ACYP2: variants seen among roughly 807,000 people sequenced by gnomAD.
ACYP2 encodes the protein acylphosphatase 2.
ACYP2 carries 12 observed loss-of-function variants against 11.2 expected under a neutral mutation model. That is an observed-to-expected ratio of 1.08 (90% CI 0.69 to 1.74). The LOEUF (loss-of-function observed/expected upper bound fraction) is 1.74. Among genes scored for constraint, ACYP2 ranks in the 40% most tolerant of loss-of-function variants. The probability of loss-of-function intolerance (pLI) is 0.00; values close to 1 mark genes in which losing one functional copy is unlikely to be tolerated. For synonymous variants in ACYP2, 43 were observed against 32.2 expected (o/e 1.33, Z -1.13); for missense variants, 134 against 101.9 (o/e 1.31, Z -1.35).
intron 2 of ACYP2, among the ~76,000 whole-genome samples, chr2:54,046,166 T>TGA (rs1675510002): frequency 2.4e-5 from 1 of 41,760 alleles, no homozygotes; most frequent in Non-Finnish European, 4.2e-5. Flanking sequence ...CCAGACCCTG[T>TGA]CAAAAAAAAA....
chr2:54,150,477 G>A (rs562093072), intron 6 of ACYP2, among the ~76,000 whole-genome samples: 100 of 152,282 alleles, frequency 6.6e-4, no homozygotes, highest in Non-Finnish European at 1.0e-3. Context: ...CTGGAGTGCA[G>A]TGCCCTGATA....
At chr2:54,099,139 T>A (rs1200218561) in intron 4 of ACYP2, among the ~76,000 whole-genome samples, 1 of 152,244 alleles carries the variant, frequency 6.6e-6, no homozygotes, top group Admixed American at 6.5e-5. Context: ...TCTTTTTAAC[T>A]GTTTCTTGTT....
At position 54,069,429 on chromosome 2, in the gene ACYP2, G is replaced by A. The variant is rs576378282; in HGVS notation, c.277+12069G>A. 3.9e-5 allele frequency among the ~76,000 whole-genome samples: 6 copies of A among 151,996 alleles called. No individual in the cohort carries two copies. In the East Asian group the frequency reaches 9.8e-4, roughly 25 times the overall value. ...TGTAATCCCAGCACTTTGGGAGGCCGAGGCGGGTGGATCACGAGGTTAGGA... is the reference window on the plus strand; with the variant it reads ...TGTAATCCCAGCACTTTGGGAGGCCAAGGCGGGTGGATCACGAGGTTAGGA... On this transcript the variant is annotated intron_variant, in intron 4 of 6. Coordinates refer to ENST00000607452, the MANE Select transcript of ACYP2 (RefSeq NM_001320586.2).
chr2:54,023,018 A>T (rs1245737741), intron 2 of ACYP2, among the ~76,000 whole-genome samples: 2 of 152,204 alleles, frequency 1.3e-5, no homozygotes, highest in Admixed American at 6.5e-5. Context: ...TAAGACTTAC[A>T]TTAAATAAGT....
At chr2:54,125,750 CA>C (rs1260013308) in intron 4 of ACYP2, among the ~76,000 whole-genome samples, 1 of 119,940 alleles carries the variant, frequency 8.3e-6, no homozygotes, top group East Asian at 2.0e-4. Context: ...GACTATGTCT[CA>C]AAAAACAAAA....
intron 6 of ACYP2, among the ~76,000 whole-genome samples, chr2:54,181,956 T>C (rs912510264): frequency 2.0e-5 from 3 of 151,492 alleles, no homozygotes; most frequent in East Asian, 1.9e-4. Flanking sequence ...GACCCTCTCT[T>C]ACAAAACCCT....
At chr2:54,272,169 T>C (rs1688334457) in intron 6 of ACYP2, among the ~76,000 whole-genome samples, 1 of 152,038 alleles carries the variant, frequency 6.6e-6, no homozygotes, top group South Asian at 2.1e-4. Flanking sequence ...TAAATATCAG[T>C]GTTGAGGAAA....
chr2:54,224,348 G>A (rs528308493), intron 6 of ACYP2, among the ~76,000 whole-genome samples: 1 of 152,296 alleles, frequency 6.6e-6, no homozygotes, highest in South Asian at 2.1e-4. Flanking sequence ...ATTTTATAGA[G>A]CTATGAAACA....
chr2:54,160,975 G>T (rs916284574), intron 6 of ACYP2, among the ~76,000 whole-genome samples: 1 of 152,186 alleles, frequency 6.6e-6, no homozygotes, highest in Non-Finnish European at 1.5e-5. Flanking sequence ...CTAGAACAAT[G>T]ATCTCAAAGT....
chr2:53,987,892 T>C (rs1035395616), intron 2 of ACYP2, among the ~76,000 whole-genome samples: 10 of 152,282 alleles, frequency 6.6e-5, no homozygotes, highest in Admixed American at 3.3e-4. Context: ...ACTGTTGAGT[T>C]TTGGGAGTTC....
chr2:54,051,429 A>C, intron 3 of ACYP2: 1 of 717,186 alleles, frequency 1.4e-6, no homozygotes. Context: ...GAGAAATGAA[A>C]ATCTATATCC....
At chr2:54,154,225 C>T (rs1380053996) in intron 6 of ACYP2, among the ~76,000 whole-genome samples, 1 of 152,140 alleles carries the variant, frequency 6.6e-6, no homozygotes, top group Non-Finnish European at 1.5e-5. Flanking sequence ...TTTTTGTCAT[C>T]AGCAAACAGT....
chr2:54,115,854 T>C (rs2103728248), intron 4 of ACYP2, 98 bp downstream of exon 1: 3 of 1,364,280 alleles, frequency 2.2e-6, no homozygotes, highest in Non-Finnish European at 2.9e-6. Flanking sequence ...CCTTTTCCCG[T>C]TGTGGCTGGG....
chr2:54,093,603 C>T (rs577630880), intron 4 of ACYP2, among the ~76,000 whole-genome samples: 1 of 152,156 alleles, frequency 6.6e-6, no homozygotes, highest in Non-Finnish European at 1.5e-5. Context: ...CTTTTAGAGA[C>T]TTAGTTTTCT....
At chr2:54,204,073 C>T (rs974805433) in intron 6 of ACYP2, among the ~76,000 whole-genome samples, 9 of 152,168 alleles carry the variant, frequency 5.9e-5, no homozygotes, top group African/African-American at 1.4e-4. Context: ...CGGCTCACTG[C>T]GACCTCTGCC....
chr2:54,106,807 A>C lies in ACYP2; in HGVS notation c.278-28646A>C, dbSNP rs971964346. ...ACTGTGTTGGCCAGGCTGGTCTTGA[A>C]GTCCTGACCTCGTGATCCGCCCCCC... On this transcript the variant is annotated intron_variant, in intron 4 of 6. Coordinates refer to ENST00000607452, the MANE Select transcript of ACYP2 (RefSeq NM_001320586.2). Among the ~76,000 whole-genome samples, 22 of 152,080 alleles carry C rather than the reference A, an allele frequency of 1.4e-4. 1 individual carries two copies. The highest frequency in any genetic ancestry group is 5.9e-5 in the Non-Finnish European group (4 of 68,014).
chr2:54,125,133 A>G (rs974814855), intron 4 of ACYP2, among the ~76,000 whole-genome samples: 1 of 152,074 alleles, frequency 6.6e-6, no homozygotes, highest in African/African-American at 2.4e-5. Flanking sequence ...AAAACTCAAA[A>G]CAGTATAGAA....
chr2:54,159,032 A>C (rs542884657), intron 6 of ACYP2, among the ~76,000 whole-genome samples: 1 of 152,098 alleles, frequency 6.6e-6, no homozygotes, highest in African/African-American at 2.4e-5. Context: ...AGTTGTATAT[A>C]TACTCTCTCT....
intron 4 of ACYP2, among the ~76,000 whole-genome samples, chr2:54,090,908 T>G (rs909334480): frequency 6.6e-6 from 1 of 152,228 alleles, no homozygotes; most frequent in Non-Finnish European, 1.5e-5. Flanking sequence ...ATTTGGATGA[T>G]TTTACCATCT....
Sources: allele counts gnomAD v4.1 joint callset (sites outside exome capture counted in the v4.1 genomes callset), GRCh38; gene constraint gnomAD v4.1.1; transcripts MANE v1.5; gene names NCBI Gene and HGNC (gene_info 2026-07-23, HGNC 2026-07-21).